NAA15: variants seen among roughly 807,000 people sequenced by gnomAD.
NAA15 encodes the protein N-alpha-acetyltransferase 15, NatA auxiliary subunit, also known as N-terminal acetyltransferase.
A neutral mutation model predicts 114.0 loss-of-function variants in NAA15; 34 were observed. That is an observed-to-expected ratio of 0.30 (90% CI 0.23 to 0.40). The LOEUF (loss-of-function observed/expected upper bound fraction) is 0.40. NAA15 is among the 10% of genes least tolerant of loss of function. The pLI, the probability that NAA15 is intolerant of heterozygous loss-of-function variation, is 1.00. For missense variants in NAA15, 658 were observed against 1,004.5 expected (o/e 0.66, Z 4.66); for synonymous variants, 340 against 338.0 (o/e 1.01, Z -0.06).
At position 139,301,640 on chromosome 4, in the gene NAA15, G is replaced by A; in HGVS notation, c.-138G>A. 1 of 955,580 alleles carries A rather than the reference G, an allele frequency of 1.0e-6. No homozygotes were observed. Among genetic ancestry groups the A allele is most frequent in the Non-Finnish European group, 1.6e-6 (1 of 643,042 alleles). 59.2% of individuals were successfully genotyped at this position (955,580 alleles called of 1,614,324 possible). ...AGGAGGTGTCCGGGTAGGGCAACGCGGCGACACCCGAGGCCTGGTGGTGGC... is the reference window on the plus strand; with the variant it reads ...AGGAGGTGTCCGGGTAGGGCAACGCAGCGACACCCGAGGCCTGGTGGTGGC... On this transcript the variant is annotated 5_prime_UTR_variant, in exon 1 of 20. Coordinates refer to ENST00000296543, the MANE Select transcript of NAA15 (RefSeq NM_057175.5).
At chr4:139,320,813 G>A (rs1234544847) in intron 1 of NAA15, among the ~76,000 whole-genome samples, 2 of 152,228 alleles carry the variant, frequency 1.3e-5, no homozygotes, top group South Asian at 2.1e-4. Flanking sequence ...GAGCCTCTGC[G>A]TCTGGCCTCC....
At chr4:139,365,103 T>C (rs1748241014) in intron 14 of NAA15, among the ~76,000 whole-genome samples, 1 of 152,214 alleles carries the variant, frequency 6.6e-6, no homozygotes, top group Non-Finnish European at 1.5e-5. Context: ...AATGGTACAA[T>C]CTTGGCTCAC....
At position 139,365,823 on chromosome 4, in the gene NAA15, T is replaced by A. The variant is rs547206167; in HGVS notation, c.1753+3886T>A. Among the ~76,000 whole-genome samples, 34 of 152,168 alleles carry A rather than the reference T, an allele frequency of 2.2e-4. 1 individual carries two copies. In the South Asian group the frequency reaches 7.1e-3, roughly 32 times the overall value. ...CCATGTTTGCCACTACACTCCAGCC[T>A]GGACGACAGAGTGAGACCCTGTTTC... On this transcript the variant is annotated intron_variant, in intron 14 of 19. Coordinates refer to ENST00000296543, the MANE Select transcript of NAA15 (RefSeq NM_057175.5).
chr4:139,315,763 G>A (rs1279392792), intron 1 of NAA15, among the ~76,000 whole-genome samples: 5 of 151,278 alleles, frequency 3.3e-5, no homozygotes, highest in Admixed American at 3.3e-4. Flanking sequence ...CTTATATTCT[G>A]TTTGATGTTT....
At chr4:139,352,796 T>C (rs757160362) in intron 9 of NAA15, among the ~76,000 whole-genome samples, 5 of 151,012 alleles carry the variant, frequency 3.3e-5, no homozygotes, top group Admixed American at 6.6e-5. Context: ...GCCTCCCAAG[T>C]AGCTGCGATT....
In NAA15 at chr4:139,326,301, A is replaced by G. The variant is rs114972819; in HGVS notation, c.55-7873A>G. On this transcript the variant is annotated intron_variant, in intron 1 of 19. Coordinates refer to ENST00000296543, the MANE Select transcript of NAA15 (RefSeq NM_057175.5). ...TTATATAACCTCCTGGACCTCAGTT[A>G]TCTCGTGTAAAATGAAGATAGTAAG... 2.0e-3 allele frequency among the ~76,000 whole-genome samples: 303 copies of G among 152,290 alleles called. 1 individual carries two copies. The highest frequency in any genetic ancestry group is 3.6e-3 in the Non-Finnish European group (244 of 68,012).
intron 1 of NAA15, among the ~76,000 whole-genome samples, chr4:139,311,590 T>C (rs1746226297): frequency 6.6e-6 from 1 of 151,912 alleles, no homozygotes; most frequent in Non-Finnish European, 1.5e-5. Context: ...AAAATTTTGT[T>C]ATTGTTTCTT....
chr4:139,314,046 A>G (rs1313217694), intron 1 of NAA15, among the ~76,000 whole-genome samples: 1 of 152,000 alleles, frequency 6.6e-6, no homozygotes. Context: ...ACTGTTTTAC[A>G]TATGTTAAAT....
At chr4:139,380,685 C>T (rs1419410602) in intron 17 of NAA15, among the ~76,000 whole-genome samples, 1 of 152,082 alleles carries the variant, frequency 6.6e-6, no homozygotes, top group Non-Finnish European at 1.5e-5. Context: ...CATCACTTTA[C>T]AAAGTGATCT....
chr4:139,301,822 G>A lies in NAA15; in HGVS notation c.45G>A (p.Lys15=). Residue 15 remains lysine, a synonymous_variant, in exon 1 of 20, where the codon AAG becomes AAA. Transcript: ENST00000296543. ...CGCCCAAGGAGAATGCGCTCTTCAAGCGGATCTTGGTAAGTGTGAGGCTCC... is the reference window on the plus strand; with the variant it reads ...CGCCCAAGGAGAATGCGCTCTTCAAACGGATCTTGGTAAGTGTGAGGCTCC... ...SLPPKENALF[K]RILRCYEHKQ... is the part of the protein sequence containing the mutation. The A allele has an allele frequency of 6.3e-7, 1 of 1,594,012 alleles. No homozygotes were observed. The highest frequency in any genetic ancestry group is 8.5e-7 in the Non-Finnish European group (1 of 1,170,102).
intron 14 of NAA15, among the ~76,000 whole-genome samples, chr4:139,366,904 C>T (rs1748301351): frequency 6.6e-6 from 1 of 152,206 alleles, no homozygotes; most frequent in African/African-American, 2.4e-5. Context: ...CCACCACGCC[C>T]AGCTTACATT....
chr4:139,303,856 A>G (rs564822362), intron 1 of NAA15, among the ~76,000 whole-genome samples: 5 of 152,340 alleles, frequency 3.3e-5, no homozygotes, highest in East Asian at 1.9e-4. Flanking sequence ...ACTTATAACA[A>G]TCATTCTCTA....
At chr4:139,314,611 G>A (rs922376444) in intron 1 of NAA15, among the ~76,000 whole-genome samples, 4 of 151,934 alleles carry the variant, frequency 2.6e-5, no homozygotes, top group Non-Finnish European at 2.9e-5. Flanking sequence ...ATTCTTTGCC[G>A]TCTTAGGTTG....
intron 2 of NAA15, among the ~76,000 whole-genome samples, chr4:139,334,600 A>T (rs1214810520): frequency 1.3e-5 from 2 of 152,226 alleles, no homozygotes; most frequent in Admixed American, 1.3e-4. Flanking sequence ...TCCTTTGCTC[A>T]TAAACTATCA....
At chr4:139,316,049 C>T (rs1447027848) in intron 1 of NAA15, among the ~76,000 whole-genome samples, 1 of 151,558 alleles carries the variant, frequency 6.6e-6, no homozygotes, top group African/African-American at 2.4e-5. Context: ...ATTTTACATA[C>T]TATTCTTCCT....
intron 17 of NAA15, among the ~76,000 whole-genome samples, chr4:139,381,996 A>G (rs752717048): frequency 5.9e-5 from 9 of 152,098 alleles, no homozygotes; most frequent in African/African-American, 1.7e-4. Flanking sequence ...GGGATTTGCT[A>G]CTTTCCTGAG....
intron 2 of NAA15, among the ~76,000 whole-genome samples, chr4:139,335,193 G>A (rs1019212211): frequency 6.6e-6 from 1 of 151,934 alleles, no homozygotes; most frequent in Non-Finnish European, 1.5e-5. Flanking sequence ...CAAGTAAATA[G>A]AAATAAATTT....
intron 6 of NAA15, among the ~76,000 whole-genome samples, chr4:139,346,845 T>C (rs1747599232): frequency 6.6e-6 from 1 of 152,212 alleles, no homozygotes; most frequent in Non-Finnish European, 1.5e-5. Flanking sequence ...TATTGTTTAT[T>C]CTTATACCAC....
intron 1 of NAA15, among the ~76,000 whole-genome samples, chr4:139,312,312 T>C (rs1746250532): frequency 6.6e-6 from 1 of 151,860 alleles, no homozygotes; most frequent in Non-Finnish European, 1.5e-5. Context: ...GGAAGGAATT[T>C]TATGCTGTGG....
Sources: gnomAD v4.1 joint callset for allele counts (sites outside exome capture counted in the v4.1 genomes callset) on GRCh38, gnomAD v4.1.1 for gene constraint, MANE v1.5 for transcripts, NCBI Gene and HGNC (gene_info 2026-07-23, HGNC 2026-07-21) for gene names.